PAPLN: variants seen among roughly 807,000 people sequenced by gnomAD.
PAPLN encodes papilin, proteoglycan like sulfated glycoprotein.
In PAPLN, 146 loss-of-function variants were observed where a neutral mutation model predicts 159.0. That is an observed-to-expected ratio of 0.92 (90% CI 0.80 to 1.05). The LOEUF is 1.05. Among genes scored for constraint, PAPLN ranks in the 50% least tolerant of loss-of-function variants. The pLI, the probability that PAPLN is intolerant of heterozygous loss-of-function variation, is 0.00. For synonymous variants in PAPLN, 734 were observed against 702.9 expected (o/e 1.04, Z -0.70); for missense variants, 1,720 against 1,743.9 (o/e 0.99, Z 0.24).
chr14:73,262,253 G>A, intron 18 of PAPLN, 97 bp from the exon 19 acceptor site: 1 of 1,225,742 alleles, frequency 8.2e-7, no homozygotes, highest in Non-Finnish European at 1.2e-6. Flanking sequence ...TTATAAGTGG[G>A]GAAGGGCCTG....
chr14:73,253,328 G>A (rs2078009005), intron 11 of PAPLN: 9 of 1,095,904 alleles, frequency 8.2e-6, no homozygotes, highest in Non-Finnish European at 1.1e-5. Flanking sequence ...ACTTGGCTTT[G>A]CATGGGGCCA....
At position 73,262,658 on chromosome 14, in the gene PAPLN, T is replaced by C; in HGVS notation, c.2554T>C (p.Trp852Arg). 2 of 1,502,998 alleles carry C rather than the reference T, an allele frequency of 1.3e-6. No homozygotes were observed. Among genetic ancestry groups the C allele is most frequent in the Non-Finnish European group, 1.8e-6 (2 of 1,123,106 alleles). The allele number at this position is 1,502,998 out of a possible 1,614,324, so 93.1% of individuals were successfully genotyped here. The change falls in exon 19 of 27, where the codon TGG becomes CGG. Residue 852 changes from tryptophan to arginine, a missense_variant. Transcript: ENST00000644200. Reference protein sequence around the residue: ...RTGAAVQRKPWPSGGLWRQDQ... With the variant: ...RTGAAVQRKPRPSGGLWRQDQ... ...AGGGGCCGCGGTGCAGAGAAAGCCC[T>C]GGCCTTCTGGTGGTCTCTGGCGGCA...
intron 5 of PAPLN, among the ~76,000 whole-genome samples, chr14:73,248,397 A>C (rs1180650229): frequency 6.6e-6 from 1 of 152,168 alleles, no homozygotes; most frequent in Non-Finnish European, 1.5e-5. Flanking sequence ...AAAAATTGGA[A>C]CACAGGGGAA....
In PAPLN at chr14:73,251,684, G is replaced by A. The variant is rs1038717843; in HGVS notation, c.691G>A (p.Glu231Lys). ...CGCAGCTGTGAAGAATGTTCGTGGG[G>A]AATACTACCTCAATGGGCACTGGAC... ...NFLAVKNVRG[E>K]YYLNGHWTIE... The change falls in exon 9 of 27, where the codon GAA becomes AAA. Residue 231 changes from glutamate (E) to lysine (K), a missense_variant. Physicochemically the swap from Glu to Lys is moderately conservative, Grantham distance 56 (BLOSUM62 1). Coordinates refer to ENST00000644200, the MANE Select transcript of PAPLN (RefSeq NM_001365906.3). 6.8e-6 allele frequency: 11 copies of A among 1,613,466 alleles called. No individual in the cohort carries two copies. Among genetic ancestry groups the A allele is most frequent in the Non-Finnish European group, 9.3e-6 (11 of 1,179,990 alleles).
At chr14:73,270,787 A>G (rs751505603) in intron 26 of PAPLN, among the ~76,000 whole-genome samples, 17 of 152,208 alleles carry the variant, frequency 1.1e-4, no homozygotes, top group Admixed American at 5.2e-4. Context: ...CAGATGGGAC[A>G]GACATGGCCT....
At chr14:73,266,960 G>T (rs1054760670) in intron 25 of PAPLN, 129 bp downstream of exon 25, 1 of 866,732 alleles carries the variant, frequency 1.2e-6, no homozygotes, top group African/African-American at 1.7e-5. Flanking sequence ...TGGTGCCAGG[G>T]GAGAGGGCTG....
At position 73,262,738 on chromosome 14, in the gene PAPLN, G is replaced by C; in HGVS notation, c.2634G>C (p.Trp878Cys). ...EAPHTQAFGEWPWGQELGSRA... is the reference protein window; with the variant it reads ...EAPHTQAFGECPWGQELGSRA... ...CCCACACCCAGGCCTTTGGAGAATGGCCATGGGGGCAGGAGCTTGGGTCCA... is the reference window on the plus strand; with the variant it reads ...CCCACACCCAGGCCTTTGGAGAATGCCCATGGGGGCAGGAGCTTGGGTCCA... Residue 878 changes from tryptophan to cysteine, a missense_variant, in exon 19 of 27, where the codon TGG (tryptophan) becomes TGC (cysteine). Transcript: ENST00000644200. 1 of 1,512,562 alleles carries C rather than the reference G, an allele frequency of 6.6e-7. No individual in the cohort carries two copies. Among genetic ancestry groups the C allele is most frequent in the Non-Finnish European group, 8.8e-7 (1 of 1,134,878 alleles). 93.7% of individuals were successfully genotyped at this position (1,512,562 alleles called of 1,614,324 possible). A position where few individuals can be genotyped will look rare whatever the true frequency, so the allele number is the denominator to read the frequency against.
At chr14:73,264,782 G>T (rs929738680) in intron 22 of PAPLN, 56 bp downstream of exon 22, 1 of 1,604,472 alleles carries the variant, frequency 6.2e-7, no homozygotes. Flanking sequence ...AGGGCCGGGG[G>T]TCTCAGTGGA....
chr14:73,247,980 T>G (rs1254380990), intron 5 of PAPLN, among the ~76,000 whole-genome samples: 1 of 83,950 alleles, frequency 1.2e-5, no homozygotes, highest in Admixed American at 1.6e-4. Flanking sequence ...GAGTCTCATA[T>G]CCTCTGTGTG....
chr14:73,272,753 G>A lies in PAPLN; in HGVS notation c.*89G>A. ...GACTCTTGGCTTCCTCTCTCTGGCT[G>A]GCAAAGGGAGTTATCTTCTGGAATA... On this transcript the variant is annotated 3_prime_UTR_variant, in exon 27 of 27. Coordinates refer to ENST00000644200, the MANE Select transcript of PAPLN (RefSeq NM_001365906.3). 2 of 1,341,856 alleles carry A rather than the reference G, an allele frequency of 1.5e-6. No homozygotes were observed. The highest frequency in any genetic ancestry group is 2.6e-5 in the Admixed American group (1 of 38,634). The allele number at this position is 1,341,856 out of a possible 1,614,324, so 83.1% of individuals were successfully genotyped here.
At chr14:73,260,168 C>T (rs1323506011) in intron 16 of PAPLN, among the ~76,000 whole-genome samples, 1 of 152,186 alleles carries the variant, frequency 6.6e-6, no homozygotes, top group Non-Finnish European at 1.5e-5. Context: ...TTTTGGGTTC[C>T]TCTTCTGAGA....
rs771516764 is a variant in PAPLN, at chr14:73,250,062, G to A, written c.413G>A (p.Gly138Glu). 2 of 1,613,104 alleles carry A rather than the reference G, an allele frequency of 1.2e-6. No homozygotes were observed. Among genetic ancestry groups the A allele is most frequent in the South Asian group, 2.2e-5 (2 of 90,818 alleles). Residue 138 changes from glycine to glutamate, a missense_variant, in exon 6 of 27, where the codon GGG becomes GAG. By Grantham distance (98) the Gly-to-Glu change is moderately conservative. Coordinates refer to ENST00000644200, the MANE Select transcript of PAPLN (RefSeq NM_001365906.3). Reference sequence around the variant, plus strand: ...AAGCACAGGGAGGCTGTGGTTGATGGGACGCCCTGCGAGCCTGGCAAGAGG... The same window carrying A: ...AAGCACAGGGAGGCTGTGGTTGATGAGACGCCCTGCGAGCCTGGCAAGAGG... ...YYKHREAVVD[G>E]TPCEPGKRDV...
At position 73,264,277 on chromosome 14, in the gene PAPLN, C is replaced by G. The variant is rs747558375; in HGVS notation, c.2928C>G (p.Tyr976Ter). Residue 976 changes from tyrosine (Y) to a stop codon, truncating the protein, a stop_gained, in exon 21 of 27, where the codon TAC (tyrosine) becomes TAG (stop). Transcript: ENST00000644200. LOFTEE classifies it high-confidence loss of function. Reference protein sequence around the residue: ...HPLQAEDAGTYSCGSTRPGRD... With the variant: ...HPLQAEDAGT Reference sequence around the variant, plus strand: ...TGCAGGCAGAGGACGCGGGCACCTACAGCTGTGGCAGCACCCGGCCAGGCC... The same window carrying G: ...TGCAGGCAGAGGACGCGGGCACCTAGAGCTGTGGCAGCACCCGGCCAGGCC... 1.9e-6 allele frequency: 3 copies of G among 1,613,882 alleles called. No individual in the cohort carries two copies. Among genetic ancestry groups the G allele is most frequent in the Non-Finnish European group, 2.5e-6 (3 of 1,180,036 alleles).
At position 73,272,669 on chromosome 14, in the gene PAPLN, G is replaced by A. The variant is rs1028202034; in HGVS notation, c.*5G>A. 5 of 1,563,062 alleles carry A rather than the reference G, an allele frequency of 3.2e-6. No homozygotes were observed. The African/African-American group carries it at 6.7e-5, about 21-fold the overall frequency. ...GCTCAGCCCATCTGGCAGTAGGGATGAAGGCTAGTTCCAGCCCCAGTCCAA... is the reference window on the plus strand; with the variant it reads ...GCTCAGCCCATCTGGCAGTAGGGATAAAGGCTAGTTCCAGCCCCAGTCCAA... On this transcript the variant is annotated 3_prime_UTR_variant, in exon 27 of 27. Transcript: ENST00000644200.
intron 5 of PAPLN, 120 bp from the exon 6 acceptor site, chr14:73,249,864 T>TA: frequency 8.4e-7 from 1 of 1,194,298 alleles, no homozygotes. Flanking sequence ...ATCTGTGCTC[T>TA]GCGGGGCCTG....
At chr14:73,268,417 G>T in intron 25 of PAPLN, 140 bp from the exon 26 acceptor site, 1 of 858,886 alleles carries the variant, frequency 1.2e-6, no homozygotes, top group East Asian at 2.8e-5. Context: ...GGTCATTCTT[G>T]ATTTCTCCCT....
rs1330672357 is a variant in PAPLN, at chr14:73,253,947, G to T, written c.1288G>T (p.Glu430Ter). Residue 430 changes from glutamate (E) to a stop codon, truncating the protein, a stop_gained, in exon 12 of 27, where the codon GAG becomes TAG. Coordinates refer to ENST00000644200, the MANE Select transcript of PAPLN (RefSeq NM_001365906.3). LOFTEE classifies it high-confidence loss of function. ...GCAGCGCTGTGCAGCCTGGAGCCCG[G>T]AGCCCTGGGGAGAGGTCAGGCCCCT... ...NLQRCAAWSP[E>*]PWGECSVSCG... The T allele has an allele frequency of 6.2e-7, 1 of 1,611,178 alleles. No individual in the cohort carries two copies. Among genetic ancestry groups the T allele is most frequent in the Non-Finnish European group, 8.5e-7 (1 of 1,179,486 alleles).
At chr14:73,255,814 A>G (rs1436092179) in intron 14 of PAPLN, among the ~76,000 whole-genome samples, 1 of 152,190 alleles carries the variant, frequency 6.6e-6, no homozygotes. Flanking sequence ...GCTAAGAACC[A>G]GTGGCCTCAG....
Position 73,252,115 on chromosome 14 carries a change from G to A in PAPLN, c.941G>A (p.Ser314Asn), listed in dbSNP as rs1330764414. The change falls in exon 10 of 27, where the codon AGT becomes AAT. Residue 314 changes from serine (S) to asparagine (N), a missense_variant. Physicochemically the swap from Ser to Asn is conservative, Grantham distance 46. Transcript: ENST00000644200. ...TTCAGCTGGAGCCACGGCTCATGGA[G>A]TGACTGCAGCGCGGAGTGTGGCGGA... ...PGFSWSHGSW[S>N]DCSAECGGGH... 1 of 1,609,212 alleles carries A rather than the reference G, an allele frequency of 6.2e-7. No homozygotes were observed. Among genetic ancestry groups the A allele is most frequent in the Non-Finnish European group, 8.5e-7 (1 of 1,178,094 alleles).
Sources: gnomAD v4.1 joint callset for allele counts (sites outside exome capture counted in the v4.1 genomes callset) on GRCh38, gnomAD v4.1.1 for gene constraint, MANE v1.5 for transcripts, NCBI Gene and HGNC (gene_info 2026-07-23, HGNC 2026-07-21) for gene names.